Variants in POF1B observed in about 807,000 individuals in gnomAD.
The protein encoded by POF1B is protein POF1B.
Under a neutral mutation model 55.3 loss-of-function variants are expected in POF1B, and 53 were observed. That is an observed-to-expected ratio of 0.96 (90% CI 0.77 to 1.20). POF1B has a LOEUF of 1.20. Among genes scored for constraint, POF1B ranks in the 50% most tolerant of loss-of-function variants. POF1B has a pLI of 0.00. For missense variants in POF1B, 478 were observed against 420.5 expected (o/e 1.14, Z -1.20); for synonymous variants, 188 against 148.3 (o/e 1.27, Z -1.95).
intron 2 of POF1B, among the ~76,000 whole-genome samples, chrX:85,376,331 G>A (rs1017697707): frequency 1.8e-5 from 2 of 111,501 alleles, no homozygotes; most frequent in African/African-American, 6.5e-5. Context: ...GTTAATGATG[G>A]TAGGTTAACA....
chrX:85,326,841 G>C (rs1932902889), intron 7 of POF1B, among the ~76,000 whole-genome samples: 1 of 109,848 alleles, frequency 9.1e-6, no homozygotes, highest in African/African-American at 3.3e-5. Flanking sequence ...CAGTGGAGGA[G>C]GTATAATGAG....
intron 5 of POF1B, among the ~76,000 whole-genome samples, chrX:85,347,291 A>G (rs1933292156): frequency 9.0e-6 from 1 of 111,332 alleles, no homozygotes; most frequent in Non-Finnish European, 1.9e-5. Context: ...CCTTTTGACT[A>G]TGGAAAGTTG....
intron 4 of POF1B, among the ~76,000 whole-genome samples, chrX:85,357,677 C>T (rs1200492075): frequency 3.6e-5 from 4 of 110,567 alleles, no homozygotes; most frequent in African/African-American, 9.9e-5. Flanking sequence ...TCTGATAACC[C>T]CTCTGTCTGT....
chrX:85,308,671 T>G (rs1037205145), intron 9 of POF1B, among the ~76,000 whole-genome samples: 10 of 110,763 alleles, frequency 9.0e-5, no homozygotes, highest in South Asian at 7.7e-4. Context: ...ATATTTTTGG[T>G]TTTTTTTGTT....
intron 7 of POF1B, among the ~76,000 whole-genome samples, chrX:85,326,890 C>T (rs1180004461): frequency 9.1e-6 from 1 of 110,354 alleles, no homozygotes; most frequent in Non-Finnish European, 1.9e-5. Context: ...TCTGAGGCTG[C>T]ACTACAAGCA....
At chrX:85,364,873 T>G (rs758530231) in intron 3 of POF1B, among the ~76,000 whole-genome samples, 2 of 112,369 alleles carry the variant, frequency 1.8e-5, no homozygotes, top group African/African-American at 6.5e-5. Flanking sequence ...CCCTGTCCCT[T>G]TCAGAGTTGC....
At chrX:85,345,100 T>C (rs1444560200) in intron 6 of POF1B, among the ~76,000 whole-genome samples, 1 of 111,574 alleles carries the variant, frequency 9.0e-6, no homozygotes, top group African/African-American at 3.2e-5. Flanking sequence ...TGTTTTCTTT[T>C]GTCTTTTAGT....
chrX:85,352,233 T>C (rs931276649), intron 4 of POF1B, among the ~76,000 whole-genome samples: 11 of 111,303 alleles, frequency 9.9e-5, no homozygotes, highest in South Asian at 3.7e-4. Flanking sequence ...TTGGTTTTCA[T>C]TTGAAGTCTA....
At chrX:85,316,868 C>T (rs1292339020) in intron 7 of POF1B, among the ~76,000 whole-genome samples, 4 of 110,297 alleles carry the variant, frequency 3.6e-5, no homozygotes, top group African/African-American at 1.3e-4. Flanking sequence ...GATCCTCATC[C>T]TCCTCCCACC....
chrX:85,280,107 A>G (rs1931865735), intron 16 of POF1B, among the ~76,000 whole-genome samples: 2 of 111,503 alleles, frequency 1.8e-5, no homozygotes, highest in African/African-American at 6.5e-5. Context: ...GTTTTCATTG[A>G]TGATAACAAC....
chrX:85,343,290 A>G, intron 6 of POF1B, among the ~76,000 whole-genome samples: 1 of 111,343 alleles, frequency 9.0e-6, no homozygotes, highest in Non-Finnish European at 1.9e-5. Flanking sequence ...ATCTCAAACT[A>G]CAGTATGAAT....
At chrX:85,284,403 C>CTA (rs1931986249) in intron 15 of POF1B, among the ~76,000 whole-genome samples, 1 of 111,806 alleles carries the variant, frequency 8.9e-6, no homozygotes, top group South Asian at 3.7e-4. Context: ...TGACTTCAAA[C>CTA]TATACTACAA....
intron 3 of POF1B, among the ~76,000 whole-genome samples, chrX:85,363,195 G>A (rs774777661): frequency 1.9e-4 from 21 of 110,854 alleles, no homozygotes; most frequent in African/African-American, 4.6e-4. Flanking sequence ...TTGAGAAAAC[G>A]AACTCCTGGA....
intron 7 of POF1B, among the ~76,000 whole-genome samples, chrX:85,325,116 C>A (rs768576073): frequency 2.7e-5 from 3 of 111,530 alleles, no homozygotes; most frequent in Non-Finnish European, 5.6e-5. Context: ...GTCTAGTTGA[C>A]TTTTACATTT....
At chrX:85,350,363 T>C (rs1471006887) in intron 5 of POF1B, among the ~76,000 whole-genome samples, 2 of 111,622 alleles carry the variant, frequency 1.8e-5, no homozygotes, top group Non-Finnish European at 3.8e-5. Flanking sequence ...GGACATGAAC[T>C]CATCATTTTT....
At chrX:85,292,531 T>C (rs1000162419) in intron 15 of POF1B, among the ~76,000 whole-genome samples, 3 of 111,978 alleles carry the variant, frequency 2.7e-5, no homozygotes, top group African/African-American at 9.8e-5. Flanking sequence ...TCTTTGTACA[T>C]TTGGTAGAAT....
In POF1B at chrX:85,279,228, G is replaced by C. The variant is rs186686442; in HGVS notation, c.*193C>G. On this transcript the variant is annotated 3_prime_UTR_variant, in exon 17 of 17. Coordinates refer to ENST00000262753, the MANE Select transcript of POF1B (RefSeq NM_024921.4). Reference sequence around the variant, plus strand: ...CTGAATACATGAGTGTTATGGAAAAGATTTAGGTCTCATAAATGGGTGAAG... The same window carrying C: ...CTGAATACATGAGTGTTATGGAAAACATTTAGGTCTCATAAATGGGTGAAG... 136 of 407,679 alleles carry C rather than the reference G, an allele frequency of 3.3e-4. No homozygotes were observed. The highest frequency in any genetic ancestry group is 3.3e-3 in the African/African-American group (130 of 39,894). The allele number at this position is 407,679 out of a possible 1,213,427, so 33.6% of individuals were successfully genotyped here. A position where few individuals can be genotyped will look rare whatever the true frequency, so the allele number is the denominator to read the frequency against.
chrX:85,299,273 G>A (rs1204314440), intron 15 of POF1B, among the ~76,000 whole-genome samples: 1 of 92,087 alleles, frequency 1.1e-5, no homozygotes, highest in Non-Finnish European at 2.1e-5. Context: ...CTCACTGCAA[G>A]CTCCACCTCC....
Position 85,305,788 on chromosome X carries a change from T to C in POF1B, c.1437+3A>G. 2 of 1,207,816 alleles carry C rather than the reference T, an allele frequency of 1.7e-6. No homozygotes were observed. Among genetic ancestry groups the C allele is most frequent in the Non-Finnish European group, 2.2e-6 (2 of 893,226 alleles). ...GTATTTATGCAATGTAGGATCAACA[T>C]ACCCTCAGTCTGCAGATCTCTCTAT... On this transcript the variant is annotated splice_donor_region_variant and intron_variant, in intron 13 of 16. Transcript: ENST00000262753.
Sources: gnomAD v4.1 joint callset for allele counts (sites outside exome capture counted in the v4.1 genomes callset) on GRCh38, gnomAD v4.1.1 for gene constraint, MANE v1.5 for transcripts, NCBI Gene and HGNC (gene_info 2026-07-23, HGNC 2026-07-21) for gene names.